The following FAM204A variants were observed in gnomAD, a reference collection of about 807,000 sequenced individuals.
FAM204A encodes protein FAM204A.
A neutral mutation model predicts 35.4 loss-of-function variants in FAM204A; 16 were observed. That is an observed-to-expected ratio of 0.45 (90% confidence interval 0.31 to 0.69). FAM204A has a LOEUF of 0.69. Ranked by LOEUF, FAM204A falls within the 30% of genes least tolerant of loss-of-function variation. The pLI is 0.07. For missense variants in FAM204A, 240 were observed against 265.7 expected (o/e 0.90, Z 0.67); for synonymous variants, 76 against 86.9 (o/e 0.88, Z 0.70).
chr10:118,326,040 G>A, intron 7 of FAM204A, 114 bp downstream of exon 7: 2 of 740,070 alleles, frequency 2.7e-6, no homozygotes, highest in South Asian at 2.0e-5. Context: ...TGGACAAAAA[G>A]GAAAACCTCA....
chr10:118,317,018 G>GT (rs1846043119), intron 7 of FAM204A, among the ~76,000 whole-genome samples: 1 of 151,980 alleles, frequency 6.6e-6, no homozygotes, highest in Non-Finnish European at 1.5e-5. Flanking sequence ...AAGAAAGACA[G>GT]TTTTTTAAAG....
chr10:118,332,371 G>A (rs1378478503), intron 6 of FAM204A, among the ~76,000 whole-genome samples: 8 of 151,530 alleles, frequency 5.3e-5, no homozygotes, highest in South Asian at 4.2e-4. Flanking sequence ...CCTACCCCAC[G>A]GAAATCACAC....
At chr10:118,315,848 T>A (rs1160353494) in intron 7 of FAM204A, among the ~76,000 whole-genome samples, 1 of 152,146 alleles carries the variant, frequency 6.6e-6, no homozygotes, top group African/African-American at 2.4e-5. Context: ...TTCATTCTTA[T>A]CAGAACAAAG....
rs572071084 is a variant in FAM204A at position 118,309,064 on chromosome 10, T to G, written c.*1793A>C. Reference sequence around the variant, plus strand: ...ATTTTTAGAGGAAAGGTTTCTATACTAAAAGTCTGTATTTACCTAATTTAG... The same window carrying G: ...ATTTTTAGAGGAAAGGTTTCTATACGAAAAGTCTGTATTTACCTAATTTAG... On this transcript the variant is annotated 3_prime_UTR_variant, in exon 9 of 9. Coordinates refer to ENST00000369183, the MANE Select transcript of FAM204A (RefSeq NM_022063.3). 1 of 152,336 alleles carries G rather than the reference T, an allele frequency of 6.6e-6. No homozygotes were observed. Among genetic ancestry groups the G allele is most frequent in the South Asian group, 2.1e-4 (1 of 4,824 alleles). The allele number at this position is 152,336 out of a possible 1,614,324, so 9.4% of individuals were successfully genotyped here.
chr10:118,331,965 G>T (rs867708103), intron 6 of FAM204A, among the ~76,000 whole-genome samples: 25 of 150,774 alleles, frequency 1.7e-4, no homozygotes, highest in Middle Eastern at 7.0e-3. Context: ...CACAAGGTCA[G>T]GAGTTTGAGA....
chr10:118,320,904 GT>G (rs34541006), intron 7 of FAM204A, among the ~76,000 whole-genome samples: 39 of 133,906 alleles, frequency 2.9e-4, no homozygotes, highest in African/African-American at 2.7e-4. Context: ...TGTGTGTGTG[GT>G]TTTTTTTTTT....
At position 118,310,833 on chromosome 10, in the gene FAM204A, A is replaced by G. The variant is rs1372764424; in HGVS notation, c.*24T>C. The G allele has an allele frequency of 6.3e-7, 1 of 1,582,818 alleles. No homozygotes were observed. The highest frequency in any genetic ancestry group is 8.6e-7 in the Non-Finnish European group (1 of 1,166,210). ...AGTAAATTGAGCATTTGAGTCTACA[A>G]ATGTCTTGAAGCACTCTGGCAAGTT... On this transcript the variant is annotated 3_prime_UTR_variant, in exon 9 of 9. Coordinates refer to ENST00000369183, the MANE Select transcript of FAM204A (RefSeq NM_022063.3).
At chr10:118,311,821 A>G (rs759808040) in intron 7 of FAM204A, among the ~76,000 whole-genome samples, 1 of 152,196 alleles carries the variant, frequency 6.6e-6, no homozygotes, top group Non-Finnish European at 1.5e-5. Context: ...ACTCTGTATG[A>G]TCGGTAACAG....
rs1845785553 is a variant in FAM204A at position 118,299,494 on chromosome 10, A to G, written c.*11363T>C. 7.2e-6 allele frequency: 1 copy of G among 139,750 alleles called. No individual in the cohort carries two copies. Among genetic ancestry groups the G allele is most frequent in the African/African-American group, 2.7e-5 (1 of 36,430 alleles). The allele number at this position is 139,750 out of a possible 1,614,324, so 8.7% of individuals were successfully genotyped here. ...CCTCTCGGGTTTAAGTAATCCTCCCACCTTAGCCTCCCGAGTAGCTGGGGG... is the reference window on the plus strand; with the variant it reads ...CCTCTCGGGTTTAAGTAATCCTCCCGCCTTAGCCTCCCGAGTAGCTGGGGG... On this transcript the variant is annotated 3_prime_UTR_variant, in exon 9 of 9. Coordinates refer to ENST00000369183, the MANE Select transcript of FAM204A (RefSeq NM_022063.3).
chr10:118,300,198 A>G lies in FAM204A; in HGVS notation c.*10659T>C, dbSNP rs1233605611. The G allele has an allele frequency of 6.6e-6, 1 of 152,196 alleles. No individual in the cohort carries two copies. The highest frequency in any genetic ancestry group is 1.5e-5 in the Non-Finnish European group (1 of 68,030). The allele number at this position is 152,196 out of a possible 1,614,324, so 9.4% of individuals were successfully genotyped here. On this transcript the variant is annotated 3_prime_UTR_variant, in exon 9 of 9. Coordinates refer to ENST00000369183, the MANE Select transcript of FAM204A (RefSeq NM_022063.3). ...TGTGCAAAATGCAGTGCTTATGTTC[A>G]CATGTCCATCTTTCTAGAGAGAGGG...
In FAM204A at chr10:118,299,322, T is replaced by G. The variant is rs1845782277; in HGVS notation, c.*11535A>C. On this transcript the variant is annotated 3_prime_UTR_variant, in exon 9 of 9. Coordinates refer to ENST00000369183, the MANE Select transcript of FAM204A (RefSeq NM_022063.3). ...TTACCAACCCTGCTTCTGTATTTTT[T>G]TTTGAGGTCAAGCTAGGTACTTGAC... 6.6e-6 allele frequency: 1 copy of G among 151,720 alleles called. No individual in the cohort carries two copies. The highest frequency in any genetic ancestry group is 2.1e-4 in the South Asian group (1 of 4,806). 9.4% of individuals were successfully genotyped at this position (151,720 alleles called of 1,614,324 possible).
At chr10:118,316,021 A>G (rs141151880) in intron 7 of FAM204A, among the ~76,000 whole-genome samples, 1 of 152,054 alleles carries the variant, frequency 6.6e-6, no homozygotes, top group Non-Finnish European at 1.5e-5. Context: ...CTTTTTATCC[A>G]ATTTTTAATT....
chr10:118,339,545 A>C (rs925953222), intron 2 of FAM204A, among the ~76,000 whole-genome samples: 1 of 152,206 alleles, frequency 6.6e-6, no homozygotes, highest in African/African-American at 2.4e-5. Flanking sequence ...AGAAACGTGG[A>C]ATATCAGAGA....
chr10:118,333,763 G>A (rs1297100742), intron 6 of FAM204A, among the ~76,000 whole-genome samples: 1 of 152,154 alleles, frequency 6.6e-6, no homozygotes, highest in Non-Finnish European at 1.5e-5. Context: ...TTAGCCAGAT[G>A]TAATTTATAT....
intron 6 of FAM204A, among the ~76,000 whole-genome samples, chr10:118,334,754 G>C (rs767122193): frequency 3.9e-5 from 6 of 152,168 alleles, no homozygotes; most frequent in Non-Finnish European, 8.8e-5. Flanking sequence ...TACAGTTACT[G>C]GAATGTCCCA....
At chr10:118,313,445 G>A (rs1156826322) in intron 7 of FAM204A, among the ~76,000 whole-genome samples, 1 of 152,128 alleles carries the variant, frequency 6.6e-6, no homozygotes, top group Non-Finnish European at 1.5e-5. Context: ...AACTACTCAC[G>A]TGGCTCCGAA....
At chr10:118,340,970 G>A (rs1194767212) in intron 2 of FAM204A, among the ~76,000 whole-genome samples, 1 of 152,130 alleles carries the variant, frequency 6.6e-6, no homozygotes, top group African/African-American at 2.4e-5. Context: ...TTTGCGACTG[G>A]GGCTGAGAAT....
intron 6 of FAM204A, among the ~76,000 whole-genome samples, chr10:118,328,963 T>C (rs1027678795): frequency 2.0e-5 from 3 of 152,160 alleles, no homozygotes; most frequent in East Asian, 1.9e-4. Context: ...TCTAAATAAT[T>C]AGAAACACCT....
rs895797180 is a variant in FAM204A, at chr10:118,323,646, G to A, written c.543+2508C>T. On this transcript the variant is annotated intron_variant, in intron 7 of 8. Coordinates refer to ENST00000369183, the MANE Select transcript of FAM204A (RefSeq NM_022063.3). ...CTTAGAGCCATGAAAGGTTATCTACGCACTGGAGTCTCTCCCAACCTCACA... is the reference window on the plus strand; with the variant it reads ...CTTAGAGCCATGAAAGGTTATCTACACACTGGAGTCTCTCCCAACCTCACA... 4.0e-5 allele frequency among the ~76,000 whole-genome samples: 6 copies of A among 151,874 alleles called. No individual in the cohort carries two copies. The East Asian group carries it at 7.7e-4, about 20-fold the overall frequency.
Sources: gnomAD v4.1 joint callset for allele counts (sites outside exome capture counted in the v4.1 genomes callset) on GRCh38, gnomAD v4.1.1 for gene constraint, MANE v1.5 for transcripts, NCBI Gene and HGNC (gene_info 2026-07-23, HGNC 2026-07-21) for gene names.